TMEM168: variants seen among roughly 807,000 people sequenced by gnomAD.
TMEM168 encodes the protein transmembrane protein 168.
TMEM168 carries 40 observed loss-of-function variants against 53.2 expected under a neutral mutation model. The ratio of observed to expected loss-of-function variants is 0.75; its 90% CI spans 0.58 to 0.98. The LOEUF (loss-of-function observed/expected upper bound fraction) is 0.98, where lower values mean the gene tolerates loss of function less well. Among genes scored for constraint, TMEM168 ranks in the 50% least tolerant of loss-of-function variants. The pLI, the probability that TMEM168 is intolerant of heterozygous loss-of-function variation, is 0.00. For synonymous variants in TMEM168, 282 were observed against 293.0 expected (o/e 0.96, Z 0.38); for missense variants, 771 against 828.8 (o/e 0.93, Z 0.86).
At chr7:112,773,204 G>T in intron 3 of TMEM168, 149 bp from the exon 4 acceptor site, 2 of 752,428 alleles carry the variant, frequency 2.7e-6, no homozygotes, top group Non-Finnish European at 2.0e-6. Flanking sequence ...AATTCCTATA[G>T]TACTGAGAAT....
At chr7:112,772,580 A>G (rs1347539425) in intron 4 of TMEM168, among the ~76,000 whole-genome samples, 3 of 152,208 alleles carry the variant, frequency 2.0e-5, no homozygotes, top group Admixed American at 6.5e-5. Flanking sequence ...TCTAATCACT[A>G]TAAGACGTAA....
chr7:112,787,713 A>ATTTTTTTTTTTTTT (rs71155069), intron 1 of TMEM168, among the ~76,000 whole-genome samples: 15 of 38,788 alleles, frequency 3.9e-4, no homozygotes, highest in Non-Finnish European at 4.4e-4. Context: ...TGCGACTGGC[A>ATTTTTTTTTTTTTT]TTTTTTTTTT....
Position 112,767,685 on chromosome 7 carries a change from A to G in TMEM168, c.1606T>C (p.Phe536Leu), listed in dbSNP as rs1652250937. The G allele has an allele frequency of 6.2e-7, 1 of 1,613,956 alleles. No individual in the cohort carries two copies. The highest frequency in any genetic ancestry group is 8.5e-7 in the Non-Finnish European group (1 of 1,179,994). ...IEWWREKNGS[F>L]CSRLIIVLDS... ...AATACGATAATAAGCCGGGAACAAA[A>G]GGAACCATTCTTTTCTCTCCACCAT... The change falls in exon 5 of 5, where the codon TTT becomes CTT. Residue 536 changes from phenylalanine (F) to leucine (L), a missense_variant. Phe to Leu is a conservative substitution (Grantham distance 22). Transcript: ENST00000312814.
intron 1 of TMEM168, among the ~76,000 whole-genome samples, chr7:112,787,410 C>T (rs535201817): frequency 3.9e-5 from 6 of 152,084 alleles, no homozygotes; most frequent in Non-Finnish European, 7.4e-5. Context: ...GACGGAGTCT[C>T]GCTCTGTTGT....
intron 2 of TMEM168, among the ~76,000 whole-genome samples, chr7:112,779,601 A>G (rs112458674): frequency 2.0e-3 from 304 of 152,336 alleles, no homozygotes; most frequent in African/African-American, 6.8e-3. Flanking sequence ...TCATTATCAA[A>G]TTTTAAGACA....
rs779368455 is a variant in TMEM168 at position 112,767,362 on chromosome 7, A to T, written c.1929T>A (p.Phe643Leu). ...GCACTAGGGGATATGTAATACGAGG[A>T]AAGTGTAACATCCAGTGCTTGGCCA... Reference protein sequence around the residue: ...SDVAKHWMLHFPRITYPLVHL... With the variant: ...SDVAKHWMLHLPRITYPLVHL... The change falls in exon 5 of 5, where the codon TTT becomes TTA. Residue 643 changes from phenylalanine (F) to leucine (L), a missense_variant. Coordinates refer to ENST00000312814, the MANE Select transcript of TMEM168 (RefSeq NM_022484.6). 1.4e-5 allele frequency: 22 copies of T among 1,614,092 alleles called. No homozygotes were observed. The highest frequency in any genetic ancestry group is 1.8e-5 in the Non-Finnish European group (21 of 1,180,024).
In TMEM168 at chr7:112,765,153, T is replaced by A. The variant is rs1248819810; in HGVS notation, c.*2044A>T. 6.6e-6 allele frequency: 1 copy of A among 152,178 alleles called. No individual in the cohort carries two copies. Among genetic ancestry groups the A allele is most frequent in the African/African-American group, 2.4e-5 (1 of 41,442 alleles). The allele number at this position is 152,178 out of a possible 1,614,324, so 9.4% of individuals were successfully genotyped here. A position where few individuals can be genotyped will look rare whatever the true frequency, so the allele number is the denominator to read the frequency against. ...TTAAAATGTTAGCTTTGTGATACCA[T>A]CCCAAAAAGTCATTTATTGTTTTTT... On this transcript the variant is annotated 3_prime_UTR_variant, in exon 5 of 5. Transcript: ENST00000312814.
chr7:112,780,482 T>C (rs1020058298), intron 2 of TMEM168, among the ~76,000 whole-genome samples: 4 of 152,136 alleles, frequency 2.6e-5, no homozygotes, highest in African/African-American at 9.7e-5. Context: ...ATCCATACAA[T>C]GGGATATTGC....
chr7:112,784,647 G>T lies in TMEM168; in HGVS notation c.179C>A (p.Ala60Glu). 2 of 1,612,100 alleles carry T rather than the reference G, an allele frequency of 1.2e-6. No homozygotes were observed. The highest frequency in any genetic ancestry group is 1.1e-5 in the South Asian group (1 of 90,334). Reference protein sequence around the residue: ...LGLYVRWEKTANSLILVIFIL... With the variant: ...LGLYVRWEKTENSLILVIFIL... ...AAAAATTACCAAAATTAAGGAATTT[G>T]CTGTTTTTTCCCATCTTACGTATAG... Residue 60 changes from alanine (A) to glutamate (E), a missense_variant, in exon 2 of 5, where the codon GCA becomes GAA. Transcript: ENST00000312814.
intron 1 of TMEM168, among the ~76,000 whole-genome samples, chr7:112,786,490 A>G (rs925607128): frequency 6.6e-6 from 1 of 152,012 alleles, no homozygotes; most frequent in South Asian, 2.1e-4. Context: ...TTATTCACTC[A>G]TGTCTTAAGG....
intron 2 of TMEM168, among the ~76,000 whole-genome samples, chr7:112,779,163 T>G (rs554325162): frequency 6.6e-6 from 1 of 152,296 alleles, no homozygotes; most frequent in African/African-American, 2.4e-5. Flanking sequence ...ACTGCTGGAA[T>G]TACAAATGTG....
At chr7:112,788,477 T>C (rs866094689) in intron 1 of TMEM168, 3 of 152,212 alleles carry the variant, frequency 2.0e-5, no homozygotes, top group Non-Finnish European at 4.4e-5. Flanking sequence ...AAAATCAACA[T>C]GGCAGATTGT....
At chr7:112,788,728 T>C (rs879869683) in intron 1 of TMEM168, among the ~76,000 whole-genome samples, 1 of 152,184 alleles carries the variant, frequency 6.6e-6, no homozygotes, top group Non-Finnish European at 1.5e-5. Flanking sequence ...TTACATACTA[T>C]TCTAACCCTC....
intron 3 of TMEM168, among the ~76,000 whole-genome samples, chr7:112,773,468 AT>A (rs1390046431): frequency 1.3e-5 from 2 of 152,094 alleles, no homozygotes; most frequent in African/African-American, 4.8e-5. Flanking sequence ...AAAAAGCAAT[AT>A]TTTAATTATA....
intron 1 of TMEM168, among the ~76,000 whole-genome samples, chr7:112,788,007 C>T (rs193112157): frequency 0.011 from 1,724 of 152,248 alleles, 22 homozygotes; most frequent in Non-Finnish European, 0.018. Flanking sequence ...GCTGGGATTA[C>T]AGGTGTGAGC....
chr7:112,778,394 T>C (rs1793146823), intron 2 of TMEM168: 1 of 152,268 alleles, frequency 6.6e-6, no homozygotes, highest in South Asian at 2.1e-4. Context: ...TTCCATTTAT[T>C]GAAGTCTTCT....
rs1792799457 is a variant in TMEM168 at position 112,767,110 on chromosome 7, C to T, written c.*87G>A. 1 of 1,339,874 alleles carries T rather than the reference C, an allele frequency of 7.5e-7. No individual in the cohort carries two copies. The highest frequency in any genetic ancestry group is 1.5e-5 in the South Asian group (1 of 67,792). 83.0% of individuals were successfully genotyped at this position (1,339,874 alleles called of 1,614,324 possible). On this transcript the variant is annotated 3_prime_UTR_variant, in exon 5 of 5. Transcript: ENST00000312814. ...TACAGAAGTAGCAAGGTATTTTCCA[C>T]AAATAAAAATACAGCATACAAAAAA... is the stretch of plus-strand genomic sequence containing the variant.
At chr7:112,774,497 G>C (rs543784269) in intron 3 of TMEM168, among the ~76,000 whole-genome samples, 5 of 149,244 alleles carry the variant, frequency 3.4e-5, no homozygotes, top group African/African-American at 1.2e-4. Context: ...AGGTAACAAA[G>C]AACTAGACCT....
At chr7:112,785,477 A>G (rs556714915) in intron 1 of TMEM168, among the ~76,000 whole-genome samples, 1 of 152,326 alleles carries the variant, frequency 6.6e-6, no homozygotes, top group African/African-American at 2.4e-5. Flanking sequence ...ACATTGTTTA[A>G]CTAATAAACT....
Sources: gnomAD v4.1 joint callset for allele counts (sites outside exome capture counted in the v4.1 genomes callset) on GRCh38, gnomAD v4.1.1 for gene constraint, MANE v1.5 for transcripts, NCBI Gene and HGNC (gene_info 2026-07-23, HGNC 2026-07-21) for gene names.